Variants in ZNF469 observed in about 807,000 individuals in gnomAD.
ZNF469 encodes the protein zinc finger protein 469.
ZNF469 carries 1 observed loss-of-function variant against 1.0 expected under a neutral mutation model. The observed-to-expected ratio is 1.00, with a 90% CI of 0.35 to 4.73. The LOEUF (loss-of-function observed/expected upper bound fraction) is 4.73, where lower values mean the gene tolerates loss of function less well. Among genes scored for constraint, ZNF469 ranks in the 30% most tolerant of loss-of-function variants. The pLI is 0.16. For missense variants in ZNF469, 6,100 were observed against 5,356.3 expected, an observed-to-expected ratio of 1.14 and a Z score of -4.33; for synonymous variants, 2,703 against 2,363.4, an observed-to-expected ratio of 1.14 and a Z score of -4.17.
At chr16:88,216,152 G>A in the ZNF469 span, among the ~76,000 whole-genome samples, 39 of 151,678 alleles carry the variant, frequency 2.6e-4, no homozygotes, top group Non-Finnish European at 5.3e-4. Context: ...GATGATTTTC[G>A]CTAGGCATAT....
chr16:88,399,989 C>T (rs1904808695), intron 1 of ZNF469, among the ~76,000 whole-genome samples: 1 of 152,264 alleles, frequency 6.6e-6, no homozygotes, highest in Non-Finnish European at 1.5e-5. Flanking sequence ...GCCTGGACTC[C>T]TCATTGGGAA....
At chr16:88,363,590 C>G in the ZNF469 span, among the ~76,000 whole-genome samples, 1 of 152,210 alleles carries the variant, frequency 6.6e-6, no homozygotes, top group African/African-American at 2.4e-5. Context: ...TATTTAAGAT[C>G]TCCTCTCCTC....
the ZNF469 span, among the ~76,000 whole-genome samples, chr16:88,187,181 C>T: frequency 1.6e-4 from 25 of 152,096 alleles, no homozygotes; most frequent in Non-Finnish European, 2.8e-4. Flanking sequence ...GAGCCCTGAG[C>T]GGGTGGCGCA....
the ZNF469 span, among the ~76,000 whole-genome samples, chr16:88,152,378 T>C: frequency 3.1e-4 from 47 of 152,204 alleles, no homozygotes; most frequent in Non-Finnish European, 5.9e-4. This position sits in a 1 kb window ranked among gnomAD's most constrained non-coding sequence, Gnocchi z 4.2. Context: ...GGGTTTCTTC[T>C]GGGGCTGGGG....
the ZNF469 span, among the ~76,000 whole-genome samples, chr16:88,300,667 G>A: frequency 7.9e-5 from 12 of 152,130 alleles, no homozygotes; most frequent in East Asian, 1.9e-4. Flanking sequence ...CAAGTGAGTC[G>A]TGAGTGGGCC....
chr16:88,126,951 C>G, the ZNF469 span, among the ~76,000 whole-genome samples: 1 of 152,152 alleles, frequency 6.6e-6, no homozygotes, highest in Admixed American at 6.5e-5. Context: ...TCCCGAGTAG[C>G]TGGGATTACA....
At chr16:88,291,081 C>G in the ZNF469 span, among the ~76,000 whole-genome samples, 1 of 152,184 alleles carries the variant, frequency 6.6e-6, no homozygotes, top group African/African-American at 2.4e-5. Context: ...ACCTCTGCTT[C>G]CCTCTGGGAG....
the ZNF469 span, among the ~76,000 whole-genome samples, chr16:88,201,079 C>G: frequency 1.2e-4 from 18 of 152,222 alleles, no homozygotes; most frequent in Non-Finnish European, 2.6e-4. This position sits in a 1 kb window ranked among gnomAD's most constrained non-coding sequence, Gnocchi z 5.0. Flanking sequence ...GGATCCTCAC[C>G]CCGCAGGTCC....
the ZNF469 span, among the ~76,000 whole-genome samples, chr16:88,242,682 G>T: frequency 1.0e-3 from 157 of 152,382 alleles, no homozygotes; most frequent in Non-Finnish European, 2.1e-3. Context: ...CCCAGGCAGG[G>T]TCCTAGGCAG....
the ZNF469 span, among the ~76,000 whole-genome samples, chr16:88,235,812 C>G: frequency 6.6e-6 from 1 of 152,188 alleles, no homozygotes; most frequent in East Asian, 1.9e-4. Flanking sequence ...GTCCTGAGGA[C>G]ATGTGCCGCA....
the ZNF469 span, among the ~76,000 whole-genome samples, chr16:88,296,734 C>G: frequency 6.6e-6 from 1 of 151,366 alleles, no homozygotes; most frequent in Non-Finnish European, 1.5e-5. Flanking sequence ...CCATGCTCCA[C>G]CCACACACAC....
chr16:88,206,200 T>C, the ZNF469 span, among the ~76,000 whole-genome samples: 1 of 152,208 alleles, frequency 6.6e-6, no homozygotes, highest in Non-Finnish European at 1.5e-5. Context: ...GACTTGTTTT[T>C]CTTCAACAGC....
At chr16:88,375,897 C>T in the ZNF469 span, among the ~76,000 whole-genome samples, 2 of 152,216 alleles carry the variant, frequency 1.3e-5, no homozygotes, top group Non-Finnish European at 2.9e-5. Context: ...TTTAATGTCA[C>T]TAAAGGGAAG....
chr16:88,365,925 A>G, the ZNF469 span, among the ~76,000 whole-genome samples: 1 of 152,120 alleles, frequency 6.6e-6, no homozygotes, highest in Non-Finnish European at 1.5e-5. Context: ...ACCTCTTCCA[A>G]CCAGCCATAC....
chr16:88,324,130 G>A, the ZNF469 span, among the ~76,000 whole-genome samples: 1 of 152,238 alleles, frequency 6.6e-6, no homozygotes, highest in Admixed American at 6.5e-5. Context: ...CCTGTGGTCA[G>A]CGCCTCCCCA....
the ZNF469 span, among the ~76,000 whole-genome samples, chr16:88,182,665 T>A: frequency 1.3e-5 from 2 of 151,108 alleles, no homozygotes; most frequent in African/African-American, 4.9e-5. Context: ...AACAAATGGT[T>A]CTGGAATAGC....
At chr16:88,165,835 C>A in the ZNF469 span, among the ~76,000 whole-genome samples, 2 of 152,198 alleles carry the variant, frequency 1.3e-5, no homozygotes, top group East Asian at 3.9e-4. Context: ...GAGTCTGATG[C>A]CTCCAGGAAC....
At chr16:88,267,009 GT>G in the ZNF469 span, among the ~76,000 whole-genome samples, 1 of 152,252 alleles carries the variant, frequency 6.6e-6, no homozygotes, top group African/African-American at 2.4e-5. Flanking sequence ...CCCCCGCCAA[GT>G]CCTCGGGAAC....
At chr16:88,193,222 GT>G in the ZNF469 span, among the ~76,000 whole-genome samples, 1 of 124,470 alleles carries the variant, frequency 8.0e-6, no homozygotes, top group Non-Finnish European at 1.7e-5. Flanking sequence ...GGTGGTGATG[GT>G]GGTGGTGGGG....
Sources: gnomAD v4.1 joint callset for allele counts (sites outside exome capture counted in the v4.1 genomes callset) on GRCh38, gnomAD v4.1.1 for gene constraint, Gnocchi (gnomAD v3.1) non-coding constraint, MANE v1.5 for transcripts, NCBI Gene and HGNC (gene_info 2026-07-23, HGNC 2026-07-21) for gene names.